The following TAF1B variants were observed in gnomAD, a reference collection of about 807,000 sequenced individuals.
TAF1B encodes the protein TATA-box binding protein associated factor, RNA polymerase I subunit B, also known as TATA box-binding protein-associated factor RNA polymerase I subunit B.
Under a neutral mutation model 83.9 loss-of-function variants are expected in TAF1B, and 61 were observed. The observed-to-expected ratio is 0.73, with a 90% CI of 0.59 to 0.90. The LOEUF is 0.90. Ranked by LOEUF, TAF1B falls within the 40% of genes least tolerant of loss-of-function variation. The probability of loss-of-function intolerance (pLI) is 0.00; values close to 1 mark genes in which losing one functional copy is unlikely to be tolerated. For missense variants in TAF1B, 625 were observed against 677.0 expected (o/e 0.92, Z 0.85); for synonymous variants, 221 against 224.6 (o/e 0.98, Z 0.14).
chr2:9,910,974 G>T, intron 10 of TAF1B, 61 bp downstream of exon 10: 1 of 1,473,768 alleles, frequency 6.8e-7, no homozygotes. Flanking sequence ...AGTTTTTTAA[G>T]AAAGCTTTAA....
chr2:9,895,061 T>G (rs1441680410), intron 8 of TAF1B, among the ~76,000 whole-genome samples: 1 of 152,218 alleles, frequency 6.6e-6, no homozygotes, highest in Non-Finnish European at 1.5e-5. Flanking sequence ...TTCATAATTT[T>G]GTATTTGTTC....
chr2:9,908,028 CTTTTTTTTTTTTTTTTTTTTTTTTT>C (rs57261740), intron 9 of TAF1B, among the ~76,000 whole-genome samples: 1 of 71,754 alleles, frequency 1.4e-5, no homozygotes, highest in African/African-American at 7.9e-5. Context: ...GATCTTAATT[CTTTTTTTTTTTTTTTTTTTTTTTTT>C]TTTTTTTTTT....
intron 5 of TAF1B, among the ~76,000 whole-genome samples, chr2:9,855,225 C>T (rs1264893511): frequency 6.6e-6 from 1 of 152,204 alleles, no homozygotes; most frequent in African/African-American, 2.4e-5. Context: ...GAGCTCCTGA[C>T]CGCAGATGAT....
chr2:9,918,996 C>A (rs1052230213), intron 12 of TAF1B, 45 bp from the exon 13 acceptor site: 1 of 1,489,462 alleles, frequency 6.7e-7, no homozygotes, highest in Non-Finnish European at 9.3e-7. Flanking sequence ...TGTTTATGTC[C>A]GTTTCATCTC....
intron 3 of TAF1B, among the ~76,000 whole-genome samples, 156 bp from the exon 4 acceptor site, chr2:9,851,385 A>C (rs981876044): frequency 2.6e-5 from 4 of 152,162 alleles, no homozygotes; most frequent in Non-Finnish European, 5.9e-5. Context: ...TGAATGGTAC[A>C]AAAAAATTCA....
intron 12 of TAF1B, among the ~76,000 whole-genome samples, chr2:9,915,428 TAAAGA>T (rs1263461331): frequency 6.6e-6 from 1 of 152,150 alleles, no homozygotes; most frequent in Non-Finnish European, 1.5e-5. Context: ...CTAGAGTATA[TAAAGA>T]ATTTTTAGGC....
rs1665808842 is a variant in TAF1B, at chr2:9,919,671, T to C, written c.1416T>C (p.Pro472=). 2 of 1,614,066 alleles carry C rather than the reference T, an allele frequency of 1.2e-6. No homozygotes were observed. Among genetic ancestry groups the C allele is most frequent in the African/African-American group, 2.7e-5 (2 of 74,934 alleles). The stretch of plus-strand genomic sequence containing the variant: ...CAGCAACTGCTGGAAAAAAAAGCCC[T>C]TCAAGTTTTCAGTTCAACTGGACTG... ...ESTATAGKKS[P]SSFQFNWTEE... is the part of the protein sequence containing the mutation. The change falls in exon 14 of 15, where the codon CCT becomes CCC. Residue 472 remains proline, a synonymous_variant. Transcript: ENST00000263663.
At chr2:9,910,971 T>A in intron 10 of TAF1B, 58 bp downstream of exon 10, 4 of 1,480,556 alleles carry the variant, frequency 2.7e-6, no homozygotes, top group Non-Finnish European at 3.7e-6. Context: ...CTTAGTTTTT[T>A]AAGAAAGCTT....
chr2:9,884,119 G>A (rs72782646), intron 8 of TAF1B, among the ~76,000 whole-genome samples: 6 of 152,360 alleles, frequency 3.9e-5, no homozygotes, highest in Non-Finnish European at 5.9e-5. Context: ...CTGCAGCGGG[G>A]CAGGCAGTTC....
intron 5 of TAF1B, among the ~76,000 whole-genome samples, chr2:9,857,666 G>C (rs963015033): frequency 7.2e-5 from 11 of 152,208 alleles, no homozygotes; most frequent in African/African-American, 2.4e-4. Context: ...GGAGGCCCTA[G>C]AAAACATGTA....
intron 5 of TAF1B, among the ~76,000 whole-genome samples, chr2:9,858,843 GC>G (rs980187058): frequency 2.0e-4 from 30 of 152,210 alleles, no homozygotes; most frequent in Non-Finnish European, 4.3e-4. Flanking sequence ...AAGTAACTGA[GC>G]CCTGGACCTG....
At chr2:9,905,472 A>G (rs1191658913) in intron 9 of TAF1B, among the ~76,000 whole-genome samples, 2 of 152,192 alleles carry the variant, frequency 1.3e-5, no homozygotes, top group Non-Finnish European at 2.9e-5. Flanking sequence ...CCATAAAACA[A>G]ATGGAGATCA....
chr2:9,889,252 C>T (rs910346719), intron 8 of TAF1B, among the ~76,000 whole-genome samples: 4 of 151,982 alleles, frequency 2.6e-5, no homozygotes, highest in Non-Finnish European at 2.9e-5. Flanking sequence ...TGATATGGTA[C>T]CATAGCTCCC....
rs544438391 is a variant in TAF1B, at chr2:9,863,087, C to T, written c.400-5189C>T. Among the ~76,000 whole-genome samples the T allele has an allele frequency of 5.3e-5, 8 of 152,304 alleles. No homozygotes were observed. In the South Asian group the frequency reaches 1.7e-3, roughly 32 times the overall value. On this transcript the variant is annotated intron_variant, in intron 5 of 14. Coordinates refer to ENST00000263663, the MANE Select transcript of TAF1B (RefSeq NM_005680.3). ...CATCATAATGACAGGATCAGATTCA[C>T]ACATAACAATATTAACCTTAAATGT...
chr2:9,859,789 C>G (rs937141410), intron 5 of TAF1B, among the ~76,000 whole-genome samples: 4 of 152,212 alleles, frequency 2.6e-5, no homozygotes, highest in Admixed American at 2.0e-4. Flanking sequence ...GTTCCAACCC[C>G]TGCTTGTTAC....
chr2:9,928,074 C>A (rs1666098071), intron 14 of TAF1B, among the ~76,000 whole-genome samples: 1 of 152,164 alleles, frequency 6.6e-6, no homozygotes, highest in Non-Finnish European at 1.5e-5. Flanking sequence ...TTTCAGCTTT[C>A]TACATATGGC....
chr2:9,928,859 C>T (rs1666124723), intron 14 of TAF1B, among the ~76,000 whole-genome samples: 1 of 152,152 alleles, frequency 6.6e-6, no homozygotes, highest in African/African-American at 2.4e-5. Context: ...ATTTCTTTCT[C>T]CTGCCTGATT....
chr2:9,876,015 T>G lies in TAF1B; in HGVS notation c.704T>G (p.Leu235Trp), dbSNP rs1357413122. The change falls in exon 7 of 15, where the codon TTG becomes TGG. Residue 235 changes from leucine to tryptophan, a missense_variant. Coordinates refer to ENST00000263663, the MANE Select transcript of TAF1B (RefSeq NM_005680.3). ...GAAGCAATAACACTTTCAGATCTTT[T>G]GAGGTTAGCTAGACCTCTTGTATGA... The part of the protein sequence containing the change: ...QREAITLSDL[L>W]RFVEEDHIPY... 6.2e-7 allele frequency: 1 copy of G among 1,606,250 alleles called. No individual in the cohort carries two copies. Among genetic ancestry groups the G allele is most frequent in the Non-Finnish European group, 8.5e-7 (1 of 1,173,854 alleles).
intron 6 of TAF1B, among the ~76,000 whole-genome samples, chr2:9,874,856 T>G (rs1558243834): frequency 6.6e-6 from 1 of 152,130 alleles, no homozygotes; most frequent in Non-Finnish European, 1.5e-5. Flanking sequence ...GAGGTCAGAG[T>G]CAAAGCAGTT....
Sources: allele counts gnomAD v4.1 joint callset (sites outside exome capture counted in the v4.1 genomes callset), GRCh38; gene constraint gnomAD v4.1.1; transcripts MANE v1.5; gene names NCBI Gene and HGNC (gene_info 2026-07-23, HGNC 2026-07-21).